Variants in TRPC7 observed in about 807,000 individuals in gnomAD.
TRPC7 encodes transient receptor potential cation channel subfamily C member 7.
Under a neutral mutation model 90.1 loss-of-function variants are expected in TRPC7, and 42 were observed. The observed-to-expected ratio is 0.47, with a 90% CI of 0.36 to 0.60. The LOEUF (loss-of-function observed/expected upper bound fraction) is 0.60, where lower values mean the gene tolerates loss of function less well. TRPC7 is among the 20% of genes least tolerant of loss of function. The probability of loss-of-function intolerance (pLI) is 0.00; values close to 1 mark genes in which losing one functional copy is unlikely to be tolerated. For synonymous variants in TRPC7, 451 were observed against 436.3 expected (o/e 1.03, Z -0.42); for missense variants, 955 against 1,112.3 (o/e 0.86, Z 2.01).
At chr5:136,287,069 G>A (rs957090941) in intron 3 of TRPC7, among the ~76,000 whole-genome samples, 5 of 152,162 alleles carry the variant, frequency 3.3e-5, no homozygotes, top group East Asian at 1.9e-4. Context: ...TCCAGATGCC[G>A]CCTACCGCTC....
chr5:136,305,293 G>C (rs1356358354), intron 3 of TRPC7, among the ~76,000 whole-genome samples: 1 of 151,944 alleles, frequency 6.6e-6, no homozygotes, highest in African/African-American at 2.4e-5. Context: ...TTGATTTATT[G>C]ATGGCAGTTC....
At chr5:136,358,890 T>C (rs1051147018) in intron 1 of TRPC7, among the ~76,000 whole-genome samples, 1 of 152,214 alleles carries the variant, frequency 6.6e-6, no homozygotes, top group Non-Finnish European at 1.5e-5. Context: ...TTATCAAGAG[T>C]GTATCCGTTT....
At chr5:136,266,470 T>C (rs1757036490) in intron 4 of TRPC7, 34 bp from the exon 5 acceptor site, 1 of 1,567,568 alleles carries the variant, frequency 6.4e-7, no homozygotes, top group African/African-American at 1.4e-5. Context: ...CATGTTAAAC[T>C]GTCTCTAGGT....
At chr5:136,229,083 T>G (rs959191829) in intron 8 of TRPC7, among the ~76,000 whole-genome samples, 8 of 152,074 alleles carry the variant, frequency 5.3e-5, no homozygotes, top group African/African-American at 1.9e-4. Context: ...CACCATCTGG[T>G]TTTCTCTTAC....
At position 136,278,681 on chromosome 5, in the gene TRPC7, G is replaced by A. The variant is rs75672841; in HGVS notation, c.964-3844C>T. ...GATGCCCCAAGAAAAGAGCCAAGGA[G>A]GGAGGCAGGGATTGGAACTAAGCTC... On this transcript the variant is annotated intron_variant, in intron 3 of 11. Transcript: ENST00000513104. Among the ~76,000 whole-genome samples, 759 of 152,304 alleles carry A rather than the reference G, an allele frequency of 5.0e-3. 10 individuals are homozygous for A. Among genetic ancestry groups the A allele is most frequent in the African/African-American group, 0.016 (683 of 41,574 alleles).
intron 2 of TRPC7, among the ~76,000 whole-genome samples, chr5:136,349,439 T>C (rs991256901): frequency 1.5e-4 from 23 of 152,262 alleles, no homozygotes; most frequent in African/African-American, 5.5e-4. Flanking sequence ...ATCCAGTGGG[T>C]GCTGAGAAAC....
intron 3 of TRPC7, among the ~76,000 whole-genome samples, chr5:136,296,184 G>T (rs1020933334): frequency 3.9e-5 from 6 of 152,148 alleles, no homozygotes; most frequent in East Asian, 1.9e-4. Context: ...ATACTCATCT[G>T]CTTAGTAACC....
chr5:136,270,069 A>C (rs1757159314), intron 4 of TRPC7, among the ~76,000 whole-genome samples: 1 of 152,188 alleles, frequency 6.6e-6, no homozygotes, highest in African/African-American at 2.4e-5. Flanking sequence ...CCAACTTTTA[A>C]GATCTAAATC....
intron 3 of TRPC7, among the ~76,000 whole-genome samples, chr5:136,292,687 G>A (rs1758003103): frequency 6.6e-6 from 1 of 152,128 alleles, no homozygotes; most frequent in Non-Finnish European, 1.5e-5. Flanking sequence ...AGGACCAGAT[G>A]GATTCACAGC....
intron 3 of TRPC7, among the ~76,000 whole-genome samples, chr5:136,276,541 T>G (rs999888307): frequency 6.6e-6 from 1 of 152,224 alleles, no homozygotes; most frequent in African/African-American, 2.4e-5. Context: ...GAACTCACGG[T>G]AACTCACAGT....
chr5:136,214,686 C>T (rs1197916958), intron 11 of TRPC7, among the ~76,000 whole-genome samples: 1 of 152,114 alleles, frequency 6.6e-6, no homozygotes, highest in African/African-American at 2.4e-5. Flanking sequence ...CTGTTGTCTG[C>T]CCCTAAACCA....
chr5:136,238,520 A>T lies in TRPC7; in HGVS notation c.1845-6971T>A, dbSNP rs549512498. Reference sequence around the variant, plus strand: ...GTAACATCTCAAGCTAACCCTGGACATTGCAGTTTCCTGCCACTGTCACTT... The same window carrying T: ...GTAACATCTCAAGCTAACCCTGGACTTTGCAGTTTCCTGCCACTGTCACTT... On this transcript the variant is annotated intron_variant, in intron 7 of 11. Transcript: ENST00000513104. 4.6e-5 allele frequency among the ~76,000 whole-genome samples: 7 copies of T among 152,362 alleles called. No individual in the cohort carries two copies. The East Asian group carries it at 1.3e-3, about 29-fold the overall frequency.
At chr5:136,270,191 C>T (rs764386225) in intron 4 of TRPC7, among the ~76,000 whole-genome samples, 7 of 152,108 alleles carry the variant, frequency 4.6e-5, no homozygotes, top group African/African-American at 7.2e-5. Context: ...CACACGTGGG[C>T]GGTGCATTTG....
intron 3 of TRPC7, among the ~76,000 whole-genome samples, chr5:136,314,855 T>C (rs778659648): frequency 1.4e-4 from 22 of 152,196 alleles, no homozygotes; most frequent in Non-Finnish European, 2.9e-4. Context: ...TCTGGAATGC[T>C]TTAATTTTCA....
intron 3 of TRPC7, among the ~76,000 whole-genome samples, chr5:136,289,206 T>C (rs895006725): frequency 3.3e-4 from 50 of 152,226 alleles, no homozygotes; most frequent in African/African-American, 1.2e-3. Flanking sequence ...TAGGAACAGC[T>C]CCAGTCTACA....
In TRPC7 at chr5:136,309,530, G is replaced by A. The variant is rs185639404; in HGVS notation, c.963+6067C>T. 2.3e-4 allele frequency among the ~76,000 whole-genome samples: 35 copies of A among 152,240 alleles called. No individual in the cohort carries two copies. The Middle Eastern group carries it at 0.014, about 59-fold the overall frequency. On this transcript the variant is annotated intron_variant, in intron 3 of 11. Transcript: ENST00000513104. ...TCATTAGTGCTAGCTGCCAAATAGC[G>A]CCGGGATTATGCTTTCTGGTCCTTC...
chr5:136,296,036 A>G (rs1345318781), intron 3 of TRPC7, among the ~76,000 whole-genome samples: 1 of 152,186 alleles, frequency 6.6e-6, no homozygotes, highest in Non-Finnish European at 1.5e-5. Context: ...AGAAAGTTCT[A>G]TATCACACAA....
At chr5:136,290,182 A>T (rs1402475142) in intron 3 of TRPC7, among the ~76,000 whole-genome samples, 7 of 152,180 alleles carry the variant, frequency 4.6e-5, no homozygotes, top group African/African-American at 1.7e-4. Context: ...TAAAACCACA[A>T]AGATGGGGAA....
chr5:136,361,362 C>A (rs963590), intron 1 of TRPC7, among the ~76,000 whole-genome samples: 1 of 151,968 alleles, frequency 6.6e-6, no homozygotes, highest in Non-Finnish European at 1.5e-5. Flanking sequence ...AGGATTCCAG[C>A]GGAAACAAAA....
Sources: gnomAD v4.1 joint callset for allele counts (sites outside exome capture counted in the v4.1 genomes callset) on GRCh38, gnomAD v4.1.1 for gene constraint, MANE v1.5 for transcripts, NCBI Gene and HGNC (gene_info 2026-07-23, HGNC 2026-07-21) for gene names.